DIPK2B: variants seen among roughly 807,000 people sequenced by gnomAD.
DIPK2B encodes divergent protein kinase domain 2B, also known as UPF0672 protein CXorf36.
A neutral mutation model predicts 22.2 loss-of-function variants in DIPK2B; 15 were observed. The ratio of observed to expected loss-of-function variants is 0.68; its 90% confidence interval spans 0.45 to 1.04. DIPK2B has a LOEUF of 1.04. DIPK2B is among the 50% of genes least tolerant of loss of function. The pLI, the probability that DIPK2B is intolerant of heterozygous loss-of-function variation, is 0.00. For synonymous variants in DIPK2B, 163 were observed against 153.2 expected (o/e 1.06, Z -0.47); for missense variants, 345 against 348.3 (o/e 0.99, Z 0.08).
rs944331975 is a variant in DIPK2B at position 45,150,467 on chromosome X, C to T, written c.*1185G>A. The T allele has an allele frequency of 7.1e-5, 8 of 111,975 alleles. No individual in the cohort carries two copies. Among genetic ancestry groups the T allele is most frequent in the African/African-American group, 2.6e-4 (8 of 30,803 alleles). 9.2% of individuals were successfully genotyped at this position (111,975 alleles called of 1,213,427 possible). A position where few individuals can be genotyped will look rare whatever the true frequency, so the allele number is the denominator to read the frequency against. ...TAAGGCCAAGTTTGAATGAAAATTCCTAGACTCCTTAGAGTCCCAACTCGG... is the reference window on the plus strand; with the variant it reads ...TAAGGCCAAGTTTGAATGAAAATTCTTAGACTCCTTAGAGTCCCAACTCGG... On this transcript the variant is annotated 3_prime_UTR_variant, in exon 5 of 5. Coordinates refer to ENST00000398000, the MANE Select transcript of DIPK2B (RefSeq NM_176819.4).
intron 2 of DIPK2B, chrX:45,162,414 C>T (rs1316527734): frequency 2.7e-5 from 20 of 752,771 alleles, no homozygotes; most frequent in Non-Finnish European, 2.8e-5. Flanking sequence ...CAGGAACAGG[C>T]TTAAGAGACC....
chrX:45,195,697 C>CTGCCTGCTGCATTGCCTGCTGCAT (rs200507478), intron 1 of DIPK2B, among the ~76,000 whole-genome samples: 53 of 111,524 alleles, frequency 4.8e-4, no homozygotes, highest in African/African-American at 1.7e-3. Context: ...TCACAATGCT[C>CTGCCTGCTGCATTGCCTGCTGCAT]TGCCTGCTGC....
In DIPK2B at chrX:45,151,787, A is replaced by C. The variant is rs1323755134; in HGVS notation, c.1167T>G (p.Cys389Trp). The C allele has an allele frequency of 8.3e-7, 1 of 1,211,918 alleles. No individual in the cohort carries two copies. The highest frequency in any genetic ancestry group is 1.8e-5 in the South Asian group (1 of 57,003). Residue 389 changes from cysteine (C) to tryptophan (W), a missense_variant, in exon 5 of 5, where the codon TGT becomes TGG. Coordinates refer to ENST00000398000, the MANE Select transcript of DIPK2B (RefSeq NM_176819.4). Reference sequence around the variant, plus strand: ...CTGGGTCTGGGCGGATGCTGTCCCCACACTGAACAAGGATGGAGTCTATGT... The same window carrying C: ...CTGGGTCTGGGCGGATGCTGTCCCCCCACTGAACAAGGATGGAGTCTATGT... The part of the protein sequence containing the change: ...QDDIDSILVQ[C>W]GDSIRPDPEV...
intron 3 of DIPK2B, among the ~76,000 whole-genome samples, chrX:45,156,830 G>A (rs866184459): frequency 2.9e-4 from 32 of 111,349 alleles, no homozygotes; most frequent in Admixed American, 6.6e-4. Context: ...GCCTTTGGCC[G>A]GTGTTTATTA....
At chrX:45,154,614 A>G (rs150064677) in intron 3 of DIPK2B, among the ~76,000 whole-genome samples, 2,032 of 111,252 alleles carry the variant, frequency 0.018, 56 homozygotes, top group African/African-American at 0.063. Flanking sequence ...ATTTCAACAG[A>G]GTTCCTCCAA....
At chrX:45,158,313 C>T (rs1442524138) in intron 2 of DIPK2B, among the ~76,000 whole-genome samples, 1 of 110,023 alleles carries the variant, frequency 9.1e-6, no homozygotes, top group African/African-American at 3.3e-5. Context: ...AAGGCGGACT[C>T]CACCTTTCTC....
At chrX:45,184,229 G>A (rs1160329522) in intron 2 of DIPK2B, among the ~76,000 whole-genome samples, 1 of 111,341 alleles carries the variant, frequency 9.0e-6, no homozygotes, top group Non-Finnish European at 1.9e-5. Flanking sequence ...ATGATTCCAG[G>A]GCGTAGAAAT....
intron 1 of DIPK2B, among the ~76,000 whole-genome samples, chrX:45,200,258 T>C (rs1220152467): frequency 2.7e-5 from 3 of 111,561 alleles, no homozygotes; most frequent in Non-Finnish European, 5.6e-5. Flanking sequence ...AAAATAGGTG[T>C]CACATTGTAG....
At chrX:45,183,253 G>A (rs1404082722) in intron 2 of DIPK2B, 2 of 111,707 alleles carry the variant, frequency 1.8e-5, no homozygotes, top group Non-Finnish European at 3.8e-5. Context: ...TCTCTTTCAG[G>A]TGTTGGGACT....
At chrX:45,179,700 A>G (rs1410189941) in intron 2 of DIPK2B, among the ~76,000 whole-genome samples, 1 of 111,709 alleles carries the variant, frequency 9.0e-6, no homozygotes, top group Non-Finnish European at 1.9e-5. Flanking sequence ...GCAAAACAAA[A>G]TAAATCTAAC....
At chrX:45,156,324 T>C (rs1219770778) in intron 3 of DIPK2B, among the ~76,000 whole-genome samples, 1 of 111,106 alleles carries the variant, frequency 9.0e-6, no homozygotes, top group Non-Finnish European at 1.9e-5. Flanking sequence ...GGGCCTACTG[T>C]CGTTGTCTAC....
At chrX:45,190,437 G>C (rs1185136322) in intron 2 of DIPK2B, among the ~76,000 whole-genome samples, 1 of 111,585 alleles carries the variant, frequency 9.0e-6, no homozygotes. Context: ...AAGGACACAA[G>C]TCAGTAGTGT....
chrX:45,157,019 C>T (rs2046999228), intron 3 of DIPK2B, among the ~76,000 whole-genome samples: 1 of 109,537 alleles, frequency 9.1e-6, no homozygotes, highest in Admixed American at 9.8e-5. Flanking sequence ...TCTCACTCTA[C>T]TCCCCCTCCT....
At chrX:45,198,996 G>T (rs940237962) in intron 1 of DIPK2B, among the ~76,000 whole-genome samples, 10 of 111,029 alleles carry the variant, frequency 9.0e-5, no homozygotes, top group African/African-American at 3.3e-4. Flanking sequence ...CACTTTGCAC[G>T]AGCTCTTCCC....
intron 2 of DIPK2B, among the ~76,000 whole-genome samples, chrX:45,160,208 CTT>C (rs1419695067): frequency 1.0e-5 from 1 of 100,083 alleles, no homozygotes. Context: ...TCAGGTAGAT[CTT>C]TTTTTTTTTT....
At chrX:45,154,324 T>TATC (rs1281567444) in intron 3 of DIPK2B, 126 bp from the exon 4 acceptor site, 1 of 619,095 alleles carries the variant, frequency 1.6e-6, no homozygotes, top group African/African-American at 2.3e-5. Flanking sequence ...TCTATCTGTC[T>TATC]ATCTATATCA....
intron 2 of DIPK2B, among the ~76,000 whole-genome samples, chrX:45,174,559 T>TGG (rs1381284742): frequency 1.8e-5 from 2 of 109,484 alleles, no homozygotes; most frequent in Non-Finnish European, 3.8e-5. Flanking sequence ...GGTATGAGCA[T>TGG]GGCCTTGAAG....
In DIPK2B at chrX:45,200,648, C is replaced by T; in HGVS notation, c.179G>A (p.Cys60Tyr). 8.2e-7 allele frequency: 1 copy of T among 1,212,513 alleles called. No homozygotes were observed. The highest frequency in any genetic ancestry group is 1.1e-6 in the Non-Finnish European group (1 of 895,650). ...FGRTFLGLDK[C>Y]NACIGTSICK... Reference sequence around the variant, plus strand: ...AATAGATGTCCCGATGCAGGCATTGCATTTATCAAGACCGAGGAAAGTCCT... The same window carrying T: ...AATAGATGTCCCGATGCAGGCATTGTATTTATCAAGACCGAGGAAAGTCCT... Residue 60 changes from cysteine to tyrosine, a missense_variant, in exon 1 of 5, where the codon TGC becomes TAC. Cys to Tyr is a radical substitution (Grantham distance 194, BLOSUM62 -2). Coordinates refer to ENST00000398000, the MANE Select transcript of DIPK2B (RefSeq NM_176819.4).
At chrX:45,175,662 G>T (rs1235449179) in intron 2 of DIPK2B, among the ~76,000 whole-genome samples, 1 of 99,772 alleles carries the variant, frequency 1.0e-5, no homozygotes, top group African/African-American at 3.6e-5. Flanking sequence ...TACTTAAAGT[G>T]ATATGGACTC....
Sources: gnomAD v4.1 joint callset for allele counts (sites outside exome capture counted in the v4.1 genomes callset) on GRCh38, gnomAD v4.1.1 for gene constraint, MANE v1.5 for transcripts, NCBI Gene and HGNC (gene_info 2026-07-23, HGNC 2026-07-21) for gene names.